The following TSPAN14 variants were observed in gnomAD, a reference collection of about 807,000 sequenced individuals.
TSPAN14 encodes tetraspanin-14.
In TSPAN14, 16 loss-of-function variants were observed where a neutral mutation model predicts 36.6. The ratio of observed to expected loss-of-function variants is 0.44; its 90% CI spans 0.30 to 0.66. The LOEUF is 0.66. TSPAN14 is among the 30% of genes least tolerant of loss of function. TSPAN14 has a pLI of 0.12. For synonymous variants in TSPAN14, 139 were observed against 143.8 expected, an observed-to-expected ratio of 0.97 and a Z score of 0.24; for missense variants, 231 against 355.1, an observed-to-expected ratio of 0.65 and a Z score of 2.81.
At chr10:80,492,647 T>A (rs924109864) in intron 2 of TSPAN14, among the ~76,000 whole-genome samples, 3 of 152,084 alleles carry the variant, frequency 2.0e-5, no homozygotes, top group African/African-American at 7.2e-5. Context: ...AAACTCCGTC[T>A]CTACTAAAAA....
intron 2 of TSPAN14, 40 bp downstream of exon 2, chr10:80,489,354 T>C: frequency 7.7e-7 from 1 of 1,290,374 alleles, no homozygotes; most frequent in South Asian, 1.3e-5. Context: ...TGTTTAGTCC[T>C]TCATTCAGTA....
At chr10:80,508,556 G>A (rs1164122181) in intron 4 of TSPAN14, among the ~76,000 whole-genome samples, 4 of 152,214 alleles carry the variant, frequency 2.6e-5, no homozygotes, top group African/African-American at 4.8e-5. Context: ...ATGGGATGTG[G>A]ACCTGTGGCT....
At chr10:80,455,281 G>T (rs1054366865) in intron 1 of TSPAN14, among the ~76,000 whole-genome samples, 1 of 152,186 alleles carries the variant, frequency 6.6e-6, no homozygotes, top group Admixed American at 6.5e-5. Context: ...GTGGGCCCGG[G>T]TACTGGCCTG....
intron 7 of TSPAN14, 35 bp from the exon 8 acceptor site, chr10:80,516,169 C>T: frequency 6.2e-7 from 1 of 1,613,838 alleles, no homozygotes; most frequent in East Asian, 2.2e-5. Context: ...ATCGTGTGTG[C>T]CAAAGGCTCA....
intron 1 of TSPAN14, among the ~76,000 whole-genome samples, chr10:80,469,747 T>G (rs1172739386): frequency 6.6e-6 from 1 of 152,184 alleles, no homozygotes. Flanking sequence ...CATGGCTTCT[T>G]TGGAAAGGAT....
chr10:80,456,559 C>G (rs545018575), intron 1 of TSPAN14, among the ~76,000 whole-genome samples: 1 of 152,218 alleles, frequency 6.6e-6, no homozygotes, highest in Admixed American at 6.5e-5. Flanking sequence ...TCTATGCCAC[C>G]ATGTGCTCAG....
chr10:80,496,181 G>A (rs1443162468), intron 2 of TSPAN14, among the ~76,000 whole-genome samples: 1 of 152,060 alleles, frequency 6.6e-6, no homozygotes, highest in African/African-American at 2.4e-5. Flanking sequence ...ACCTTGATTG[G>A]TGTTCTTATT....
intron 2 of TSPAN14, among the ~76,000 whole-genome samples, chr10:80,498,722 G>A (rs747353006): frequency 4.6e-5 from 7 of 152,218 alleles, no homozygotes; most frequent in Non-Finnish European, 1.0e-4. Flanking sequence ...GGAGGGCATG[G>A]CCACCTTGAG....
intron 1 of TSPAN14, among the ~76,000 whole-genome samples, chr10:80,475,925 G>A (rs1723995443): frequency 6.6e-6 from 1 of 152,126 alleles, no homozygotes; most frequent in African/African-American, 2.4e-5. Flanking sequence ...ACTGTCCAAG[G>A]GGGTTTGGTT....
At chr10:80,498,730 G>A (rs1052975034) in intron 2 of TSPAN14, among the ~76,000 whole-genome samples, 1 of 152,214 alleles carries the variant, frequency 6.6e-6, no homozygotes, top group Non-Finnish European at 1.5e-5. Context: ...TGGCCACCTT[G>A]AGACTGGCTC....
chr10:80,512,268 C>T (rs753691886), exon 6 of TSPAN14: 20 of 1,613,496 alleles, frequency 1.2e-5, no homozygotes, highest in South Asian at 4.4e-5. Flanking sequence ...CCAGATCCTG[C>T]GGTGAGTTGG....
intron 1 of TSPAN14, among the ~76,000 whole-genome samples, chr10:80,467,088 C>A (rs1336968754): frequency 1.3e-5 from 2 of 152,142 alleles, no homozygotes; most frequent in Non-Finnish European, 2.9e-5. Context: ...GGCCTTCAGT[C>A]CTCTTTATAT....
At chr10:80,463,331 A>T (rs1846076209) in intron 1 of TSPAN14, among the ~76,000 whole-genome samples, 1 of 152,210 alleles carries the variant, frequency 6.6e-6, no homozygotes, top group African/African-American at 2.4e-5. Context: ...AAAAATGTAT[A>T]CATGATGAAA....
intron 1 of TSPAN14, 144 bp from the exon 2 acceptor site, chr10:80,489,073 C>T (rs148559222): frequency 1.1e-4 from 64 of 593,538 alleles, no homozygotes; most frequent in African/African-American, 1.0e-3. Context: ...CTATACCTGG[C>T]CTTGGTATCA....
chr10:80,506,219 C>T (rs186781593), intron 3 of TSPAN14, among the ~76,000 whole-genome samples: 35 of 152,316 alleles, frequency 2.3e-4, no homozygotes, highest in African/African-American at 8.2e-4. Context: ...GTGATCTGCC[C>T]TCCTCGGCCT....
intron 1 of TSPAN14, among the ~76,000 whole-genome samples, chr10:80,459,910 A>G (rs555007328): frequency 1.4e-4 from 21 of 152,292 alleles, no homozygotes; most frequent in Middle Eastern, 3.4e-3. Flanking sequence ...TCCCTGGGCC[A>G]GGCAGACAGG....
exon 9 of TSPAN14, chr10:80,521,866 G>A (rs775062764): frequency 1.8e-4 from 26 of 146,068 alleles, no homozygotes; most frequent in Non-Finnish European, 3.1e-4. Flanking sequence ...GGAGCTTGCA[G>A]TGAGCCGAGA....
chr10:80,496,120 A>T (rs2132026139), intron 2 of TSPAN14, among the ~76,000 whole-genome samples: 1 of 152,324 alleles, frequency 6.6e-6, no homozygotes, highest in East Asian at 1.9e-4. Context: ...AACATTTGTT[A>T]TTAAAACCAT....
intron 1 of TSPAN14, among the ~76,000 whole-genome samples, chr10:80,473,598 C>G (rs1054979469): frequency 2.0e-5 from 3 of 152,074 alleles, no homozygotes; most frequent in African/African-American, 7.2e-5. Flanking sequence ...ATCCAGCCCC[C>G]CTGACGTTGT....
Sources: gnomAD v4.1 joint callset for allele counts (sites outside exome capture counted in the v4.1 genomes callset) on GRCh38, gnomAD v4.1.1 for gene constraint, MANE v1.5 for transcripts, NCBI Gene and HGNC (gene_info 2026-07-23, HGNC 2026-07-21) for gene names.